Variants in SWAP70 observed in about 807,000 individuals in gnomAD.
SWAP70 encodes the protein switch-associated protein 70.
In SWAP70, 34 loss-of-function variants were observed where a neutral mutation model predicts 80.2. That is an observed-to-expected ratio of 0.42 (90% CI 0.32 to 0.56). SWAP70 has a LOEUF of 0.56. Among genes scored for constraint, SWAP70 ranks in the 20% least tolerant of loss-of-function variants. The pLI is 0.09. For synonymous variants in SWAP70, 239 were observed against 238.5 expected, an observed-to-expected ratio of 1.00 and a Z score of -0.02; for missense variants, 578 against 690.7, an observed-to-expected ratio of 0.84 and a Z score of 1.83.
At position 9,751,840 on chromosome 11, in the gene SWAP70, A is replaced by G. The variant is rs1208192141; in HGVS notation, c.*1870A>G. 1 of 152,248 alleles carries G rather than the reference A, an allele frequency of 6.6e-6. No individual in the cohort carries two copies. The highest frequency in any genetic ancestry group is 1.5e-5 in the Non-Finnish European group (1 of 68,044). The allele number at this position is 152,248 out of a possible 1,614,324, so 9.4% of individuals were successfully genotyped here. On this transcript the variant is annotated 3_prime_UTR_variant, in exon 12 of 12. Coordinates refer to ENST00000318950, the MANE Select transcript of SWAP70 (RefSeq NM_015055.4). ...AACGGTTTCTTATAGTTGCCTTTAT[A>G]AAGTGTATTGTCTAAAATATTTTTG...
At chr11:9,682,109 A>C (rs1393859051) in intron 1 of SWAP70, among the ~76,000 whole-genome samples, 1 of 152,164 alleles carries the variant, frequency 6.6e-6, no homozygotes, top group Non-Finnish European at 1.5e-5. Flanking sequence ...TTATATCCTG[A>C]GGAGTAGTTG....
At chr11:9,737,467 A>T (rs1450830250) in intron 7 of SWAP70, among the ~76,000 whole-genome samples, 2 of 152,114 alleles carry the variant, frequency 1.3e-5, no homozygotes, top group Admixed American at 6.5e-5. Context: ...TTCACCAGTT[A>T]TGGTTGTTTT....
chr11:9,724,774 A>T lies in SWAP70; in HGVS notation c.531A>T (p.Glu177Asp). The part of the protein sequence containing the change: ...DDSKNGLSAW[E>D]LIELIGNGQF... ...GTAAAAATGGCCTTTCTGCATGGGA[A>T]CTTATTGAGCTTATTGGAAATGGAC... The change falls in exon 4 of 12, where the codon GAA becomes GAT. Residue 177 changes from glutamate (E) to aspartate (D), a missense_variant. Coordinates refer to ENST00000318950, the MANE Select transcript of SWAP70 (RefSeq NM_015055.4). 6.2e-7 allele frequency: 1 copy of T among 1,614,122 alleles called. No homozygotes were observed. The highest frequency in any genetic ancestry group is 2.2e-5 in the East Asian group (1 of 44,874).
intron 3 of SWAP70, among the ~76,000 whole-genome samples, chr11:9,714,287 C>T (rs61878124): frequency 1.3e-5 from 2 of 152,084 alleles, no homozygotes; most frequent in East Asian, 3.8e-4. Flanking sequence ...AAAAAAAAGT[C>T]ATCTATAATC....
chr11:9,724,746 A>C lies in SWAP70; in HGVS notation c.503A>C (p.Asp168Ala). ...GAACATTATAAAATCAACTTTGATG[A>C]CAGTAAAAATGGCCTTTCTGCATGG... is the stretch of plus-strand genomic sequence containing the variant. ...QFEHYKINFD[D>A]SKNGLSAWEL... Residue 168 changes from aspartate to alanine, a missense_variant, in exon 4 of 12, where the codon GAC becomes GCC. Physicochemically the swap from Asp to Ala is moderately radical, Grantham distance 126. Transcript: ENST00000318950. 1 of 1,614,188 alleles carries C rather than the reference A, an allele frequency of 6.2e-7. No homozygotes were observed. Among genetic ancestry groups the C allele is most frequent in the Non-Finnish European group, 8.5e-7 (1 of 1,180,010 alleles).
intron 1 of SWAP70, among the ~76,000 whole-genome samples, chr11:9,674,876 G>A (rs1850467532): frequency 6.6e-6 from 1 of 152,046 alleles, no homozygotes; most frequent in African/African-American, 2.4e-5. Flanking sequence ...GGCTGAGGCA[G>A]GAGAATGGTG....
At chr11:9,738,181 G>C in intron 7 of SWAP70, 32 bp from the exon 8 acceptor site, 2 of 1,543,382 alleles carry the variant, frequency 1.3e-6, no homozygotes, top group Non-Finnish European at 1.8e-6. Context: ...TCTAACACCT[G>C]CTTTTCTGTG....
At chr11:9,733,504 C>G (rs1221950248) in intron 7 of SWAP70, among the ~76,000 whole-genome samples, 1 of 152,174 alleles carries the variant, frequency 6.6e-6, no homozygotes, top group Non-Finnish European at 1.5e-5. Flanking sequence ...TGCTGAACTT[C>G]CTCTGAGTAG....
intron 9 of SWAP70, among the ~76,000 whole-genome samples, chr11:9,744,579 A>C (rs566908943): frequency 8.1e-4 from 123 of 152,310 alleles, no homozygotes; most frequent in African/African-American, 2.6e-3. Context: ...TCTGAATGAG[A>C]ACTCAGAAGA....
rs996986623 is a variant in SWAP70 at position 9,747,795 on chromosome 11, G to A, written c.1356-63G>A. 1.9e-4 allele frequency: 283 copies of A among 1,503,944 alleles called. No individual in the cohort carries two copies. The African/African-American group carries it at 2.5e-3, about 13-fold the overall frequency. 93.2% of individuals were successfully genotyped at this position (1,503,944 alleles called of 1,614,324 possible). A position where few individuals can be genotyped will look rare whatever the true frequency, so the allele number is the denominator to read the frequency against. ...TTCTCTTGTCTAAAATGCTTCCCTC[G>A]TCTGCTGGGTCAGGGTGGTGACCTG... On this transcript the variant is annotated intron_variant, in intron 9 of 11. Transcript: ENST00000318950.
intron 4 of SWAP70, among the ~76,000 whole-genome samples, chr11:9,727,518 T>G (rs1342063557): frequency 2.1e-5 from 3 of 144,102 alleles, no homozygotes; most frequent in Non-Finnish European, 4.5e-5. Flanking sequence ...AGCCACTGCA[T>G]CAGGCCTGAT....
intron 1 of SWAP70, among the ~76,000 whole-genome samples, chr11:9,674,244 C>T (rs897817627): frequency 6.6e-6 from 1 of 152,042 alleles, no homozygotes; most frequent in Non-Finnish European, 1.5e-5. Context: ...CTAAAGCACC[C>T]CAACATTATA....
At chr11:9,670,572 A>G (rs1429717557) in intron 1 of SWAP70, among the ~76,000 whole-genome samples, 3 of 151,898 alleles carry the variant, frequency 2.0e-5, no homozygotes, top group African/African-American at 4.8e-5. Flanking sequence ...AGAGGAGAAA[A>G]GAGCCATTGA....
chr11:9,674,423 G>T (rs1454896732), intron 1 of SWAP70, among the ~76,000 whole-genome samples: 4 of 152,134 alleles, frequency 2.6e-5, no homozygotes, highest in Admixed American at 6.6e-5. Context: ...TGGGAAGCTG[G>T]GTGCAGTGGC....
chr11:9,718,133 A>G (rs1266739694), intron 3 of SWAP70, among the ~76,000 whole-genome samples: 1 of 152,240 alleles, frequency 6.6e-6, no homozygotes, highest in African/African-American at 2.4e-5. Flanking sequence ...TTCTCTTTCA[A>G]ATCAAGTTAA....
At chr11:9,678,282 C>T (rs1359325418) in intron 1 of SWAP70, among the ~76,000 whole-genome samples, 1 of 152,180 alleles carries the variant, frequency 6.6e-6, no homozygotes, top group East Asian at 1.9e-4. Context: ...GCATGAGCCA[C>T]TGCACCCAGC....
chr11:9,692,317 G>A lies in SWAP70; in HGVS notation c.100-1829G>A, dbSNP rs375232814. ...AAACTTAATACAAAGAAGAGCTACA[G>A]TGAAGTCTTTTTCTAACCTTGGTCT... On this transcript the variant is annotated intron_variant, in intron 1 of 11. Coordinates refer to ENST00000318950, the MANE Select transcript of SWAP70 (RefSeq NM_015055.4). Among the ~76,000 whole-genome samples the A allele has an allele frequency of 3.3e-5, 5 of 151,570 alleles. No individual in the cohort carries two copies. In the South Asian group the frequency reaches 6.2e-4, roughly 19 times the overall value.
chr11:9,684,727 G>T (rs938248954), intron 1 of SWAP70, among the ~76,000 whole-genome samples: 1 of 152,070 alleles, frequency 6.6e-6, no homozygotes, highest in South Asian at 2.1e-4. Flanking sequence ...TAGAAACATG[G>T]TAGTATAGTA....
At chr11:9,735,809 T>A (rs1851355943) in intron 7 of SWAP70, among the ~76,000 whole-genome samples, 1 of 152,244 alleles carries the variant, frequency 6.6e-6, no homozygotes, top group Non-Finnish European at 1.5e-5. Flanking sequence ...GATTATTTTT[T>A]GGTCTTTGTC....
Sources: gnomAD v4.1 joint callset for allele counts (sites outside exome capture counted in the v4.1 genomes callset) on GRCh38, gnomAD v4.1.1 for gene constraint, MANE v1.5 for transcripts, NCBI Gene and HGNC (gene_info 2026-07-23, HGNC 2026-07-21) for gene names.